RANBP2: variants seen among roughly 807,000 people sequenced by gnomAD.
RANBP2 encodes RAN binding protein 2.
Under a neutral mutation model 303.6 loss-of-function variants are expected in RANBP2, and 57 were observed. That is an observed-to-expected ratio of 0.19 (90% CI 0.15 to 0.23). RANBP2 has a LOEUF of 0.23. Ranked by LOEUF, RANBP2 falls within the 10% of genes least tolerant of loss-of-function variation. RANBP2 has a pLI of 1.00. For missense variants in RANBP2, 3,138 were observed against 3,780.8 expected, an observed-to-expected ratio of 0.83 and a Z score of 4.46; for synonymous variants, 1,167 against 1,301.5, an observed-to-expected ratio of 0.90 and a Z score of 2.23.
the RANBP2 span, among the ~76,000 whole-genome samples, chr2:109,608,069 T>C: frequency 6.6e-6 from 1 of 152,220 alleles, no homozygotes; most frequent in Non-Finnish European, 1.5e-5. Flanking sequence ...TCTATACACA[T>C]AGAATTAAAC....
the RANBP2 span, among the ~76,000 whole-genome samples, chr2:108,833,715 T>C: frequency 1.4e-5 from 2 of 144,256 alleles, no homozygotes; most frequent in Admixed American, 1.5e-4. Context: ...CAAAATTTAA[T>C]GTGGAGTAAA....
the RANBP2 span, among the ~76,000 whole-genome samples, chr2:109,119,742 C>A: frequency 6.6e-6 from 1 of 151,980 alleles, no homozygotes; most frequent in Non-Finnish European, 1.5e-5. Context: ...TTGAAGACTG[C>A]AAAAGAAAAC....
chr2:109,205,107 C>T, the RANBP2 span, among the ~76,000 whole-genome samples: 5 of 151,966 alleles, frequency 3.3e-5, no homozygotes, highest in African/African-American at 9.7e-5. Context: ...CTTGGGAGGC[C>T]GAGGTAGGAG....
the RANBP2 span, among the ~76,000 whole-genome samples, chr2:109,249,536 C>CTTTCTTTCTTTTTCTTTCT: frequency 6.7e-5 from 5 of 74,078 alleles, no homozygotes; most frequent in African/African-American, 1.1e-4. Flanking sequence ...TCTTTCTTTC[C>CTTTCTTTCTTTTTCTTTCT]TTCCTTCCTT....
At chr2:109,771,518 C>G in the RANBP2 span, among the ~76,000 whole-genome samples, 13 of 81,326 alleles carry the variant, frequency 1.6e-4, 1 homozygote, top group Non-Finnish European at 2.8e-4. Context: ...TATTTGTGTT[C>G]CTTTCATTGA....
At chr2:109,671,084 T>C in the RANBP2 span, among the ~76,000 whole-genome samples, 1 of 152,210 alleles carries the variant, frequency 6.6e-6, no homozygotes, top group African/African-American at 2.4e-5. Flanking sequence ...GACAAGGTGA[T>C]GCTGTAACGC....
the RANBP2 span, among the ~76,000 whole-genome samples, chr2:109,114,778 A>G: frequency 6.6e-6 from 1 of 152,076 alleles, no homozygotes; most frequent in Non-Finnish European, 1.5e-5. Flanking sequence ...TTAGTGCTAT[A>G]AATTTCCCTC....
the RANBP2 span, among the ~76,000 whole-genome samples, chr2:109,407,457 A>G: frequency 1.3e-5 from 2 of 152,116 alleles, no homozygotes; most frequent in African/African-American, 4.8e-5. Context: ...GCTGGGTCTT[A>G]TTATCTCTGC....
At chr2:109,009,599 C>T in the RANBP2 span, among the ~76,000 whole-genome samples, 3 of 152,070 alleles carry the variant, frequency 2.0e-5, no homozygotes, top group African/African-American at 7.2e-5. Flanking sequence ...CATCCTAGCT[C>T]ACCACAGCCT....
chr2:109,700,757 G>T, the RANBP2 span, among the ~76,000 whole-genome samples: 1 of 152,056 alleles, frequency 6.6e-6, no homozygotes, highest in Non-Finnish European at 1.5e-5. Context: ...TGTGGAGCTC[G>T]TGCAAACACA....
chr2:108,896,664 T>G, the RANBP2 span: 1 of 539,586 alleles, frequency 1.9e-6, no homozygotes, highest in South Asian at 2.5e-5. Context: ...TATGAGTGAG[T>G]AGATATTTAC....
chr2:108,984,665 T>G, the RANBP2 span, among the ~76,000 whole-genome samples: 32 of 152,144 alleles, frequency 2.1e-4, 1 homozygote, highest in African/African-American at 7.2e-4. Flanking sequence ...GGCACCTTCT[T>G]TCTACCTGCC....
chr2:108,993,741 G>C, the RANBP2 span, among the ~76,000 whole-genome samples: 2 of 152,188 alleles, frequency 1.3e-5, no homozygotes, highest in African/African-American at 4.8e-5. Flanking sequence ...ACTAAACTTT[G>C]AACACTGACC....
chr2:109,374,205 A>T, the RANBP2 span, among the ~76,000 whole-genome samples: 1 of 152,050 alleles, frequency 6.6e-6, no homozygotes, highest in East Asian at 1.9e-4. Context: ...AGGCTCAGAG[A>T]CACAGACCTC....
At chr2:108,872,014 G>A in the RANBP2 span, among the ~76,000 whole-genome samples, 47 of 152,002 alleles carry the variant, frequency 3.1e-4, no homozygotes, top group Non-Finnish European at 5.1e-4. Flanking sequence ...CACGTACTTT[G>A]CCCTACTTCC....
chr2:109,698,522 A>G, the RANBP2 span, among the ~76,000 whole-genome samples: 1 of 151,884 alleles, frequency 6.6e-6, no homozygotes, highest in Non-Finnish European at 1.5e-5. Flanking sequence ...TTTTCTACTT[A>G]TAATGTTTTT....
chr2:109,589,347 G>A, the RANBP2 span, among the ~76,000 whole-genome samples: 1 of 151,930 alleles, frequency 6.6e-6, no homozygotes, highest in South Asian at 2.1e-4. Flanking sequence ...AACCTGGCCA[G>A]CATGACAAAA....
At chr2:109,206,067 C>T in the RANBP2 span, among the ~76,000 whole-genome samples, 2 of 152,162 alleles carry the variant, frequency 1.3e-5, no homozygotes, top group African/African-American at 4.8e-5. Flanking sequence ...CCAGCCTCCG[C>T]GGTGGGCATT....
At chr2:109,464,678 G>C in the RANBP2 span, among the ~76,000 whole-genome samples, 1 of 152,060 alleles carries the variant, frequency 6.6e-6, no homozygotes, top group African/African-American at 2.4e-5. Flanking sequence ...AACAAATTTA[G>C]GTTCAGAGAA....
Sources: gnomAD v4.1 joint callset for allele counts (sites outside exome capture counted in the v4.1 genomes callset) on GRCh38, gnomAD v4.1.1 for gene constraint, MANE v1.5 for transcripts, NCBI Gene and HGNC (gene_info 2026-07-23, HGNC 2026-07-21) for gene names.